Variants in LOC400499 observed in about 807,000 individuals in gnomAD.
chr16:11,506,301 A>G, the LOC400499 span, among the ~76,000 whole-genome samples: 1 of 152,228 alleles, frequency 6.6e-6, no homozygotes, highest in Non-Finnish European at 1.5e-5. Context: ...CTGGGATTAT[A>G]GGCATGAGCC....
At chr16:11,423,401 G>T in the LOC400499 span, 1 of 397,050 alleles carries the variant, frequency 2.5e-6, no homozygotes, top group Non-Finnish European at 4.4e-6. Flanking sequence ...TTTGCACAGG[G>T]ACTTGAGGGC....
the LOC400499 span, chr16:11,456,947 G>C: frequency 1.3e-6 from 2 of 1,536,228 alleles, no homozygotes; most frequent in East Asian, 4.9e-5. Flanking sequence ...GCACCTTCAG[G>C]TGACTGCTGC....
the LOC400499 span, chr16:11,435,931 G>C: frequency 7.5e-6 from 3 of 398,802 alleles, no homozygotes; most frequent in Non-Finnish European, 1.3e-5. Flanking sequence ...CCTGGGTGTG[G>C]GGGAGGGCTG....
chr16:11,452,918 C>A, the LOC400499 span, among the ~76,000 whole-genome samples: 1 of 152,248 alleles, frequency 6.6e-6, no homozygotes, highest in Admixed American at 6.5e-5. Context: ...GGTGAATTAA[C>A]TGGTCCGATG....
chr16:11,433,362 G>A, the LOC400499 span, among the ~76,000 whole-genome samples: 6 of 152,192 alleles, frequency 3.9e-5, no homozygotes, highest in East Asian at 1.2e-3. Context: ...CACAGCCCAG[G>A]GTCTCCTTAA....
chr16:11,484,154 C>T, the LOC400499 span, among the ~76,000 whole-genome samples: 1 of 151,688 alleles, frequency 6.6e-6, no homozygotes, highest in South Asian at 2.1e-4. Flanking sequence ...ACTACAGGCA[C>T]CCACCACCAC....
chr16:11,492,464 T>C, the LOC400499 span, among the ~76,000 whole-genome samples: 1 of 151,762 alleles, frequency 6.6e-6, no homozygotes, highest in Non-Finnish European at 1.5e-5. Flanking sequence ...AGACAGTCAA[T>C]GAGATTAGCA....
At chr16:11,450,841 G>C in the LOC400499 span, 2 of 1,520,508 alleles carry the variant, frequency 1.3e-6, no homozygotes, top group South Asian at 1.2e-5. Flanking sequence ...CAAAGAAGGA[G>C]AATCTGGTAC....
At chr16:11,423,124 C>T in the LOC400499 span, 2 of 399,280 alleles carry the variant, frequency 5.0e-6, no homozygotes, top group East Asian at 7.1e-5. Flanking sequence ...GCCAGCCCCG[C>T]TGGAGGGGCC....
the LOC400499 span, among the ~76,000 whole-genome samples, chr16:11,397,065 G>T: frequency 1.3e-5 from 2 of 152,164 alleles, no homozygotes; most frequent in Non-Finnish European, 2.9e-5. Context: ...CATAGACCAT[G>T]CATCTCTAGT....
the LOC400499 span, chr16:11,460,591 T>C: frequency 6.5e-7 from 1 of 1,534,212 alleles, no homozygotes; most frequent in Non-Finnish European, 8.7e-7. Flanking sequence ...TGCACTCGTG[T>C]GCCGCCTGCT....
the LOC400499 span, among the ~76,000 whole-genome samples, chr16:11,437,019 T>C: frequency 6.6e-6 from 1 of 152,090 alleles, no homozygotes; most frequent in Non-Finnish European, 1.5e-5. Context: ...GAAAAAGACA[T>C]GGAGGAAACT....
the LOC400499 span, among the ~76,000 whole-genome samples, chr16:11,419,326 C>T: frequency 0.15 from 22,902 of 151,506 alleles, 2,269 homozygotes; most frequent in African/African-American, 0.29. Context: ...CTTTGACAAA[C>T]CTGAGAAAAA....
chr16:11,397,203 G>A, the LOC400499 span, among the ~76,000 whole-genome samples: 1 of 152,210 alleles, frequency 6.6e-6, no homozygotes. Flanking sequence ...AATGTTTTCT[G>A]AATGAACAGA....
the LOC400499 span, among the ~76,000 whole-genome samples, chr16:11,509,900 A>T: frequency 6.6e-6 from 1 of 151,942 alleles, no homozygotes; most frequent in South Asian, 2.1e-4. Flanking sequence ...ATCTGTAAGT[A>T]CACAGAATTT....
the LOC400499 span, among the ~76,000 whole-genome samples, chr16:11,440,249 T>G: frequency 6.6e-6 from 1 of 152,168 alleles, no homozygotes; most frequent in East Asian, 1.9e-4. Flanking sequence ...CTGCTATATA[T>G]TCACCAAACT....
At chr16:11,380,671 G>A in the LOC400499 span, among the ~76,000 whole-genome samples, 7 of 151,556 alleles carry the variant, frequency 4.6e-5, no homozygotes, top group African/African-American at 1.2e-4. Context: ...CTTGTCTGGT[G>A]TCCAAGAGGG....
chr16:11,462,130 C>T, the LOC400499 span: 5 of 1,510,666 alleles, frequency 3.3e-6, no homozygotes, highest in African/African-American at 1.4e-5. Context: ...TCACGTTGGC[C>T]TGGTCACTCA....
the LOC400499 span, chr16:11,383,543 T>G: frequency 8.5e-7 from 1 of 1,178,492 alleles, no homozygotes; most frequent in Non-Finnish European, 1.1e-6. Flanking sequence ...GAATGACAAT[T>G]ATTTGTCCTC....
Sources: gnomAD v4.1 joint callset for allele counts (sites outside exome capture counted in the v4.1 genomes callset) on GRCh38, gnomAD v4.1.1 for gene constraint, MANE v1.5 for transcripts.